Variants in D2HGDH observed in about 807,000 individuals in gnomAD.
The protein encoded by D2HGDH is D-2-hydroxyglutarate dehydrogenase.
A neutral mutation model predicts 46.9 loss-of-function variants in D2HGDH; 31 were observed. The ratio of observed to expected loss-of-function variants is 0.66; its 90% CI spans 0.50 to 0.89. The LOEUF (loss-of-function observed/expected upper bound fraction) is 0.89. D2HGDH is among the 40% of genes least tolerant of loss of function. The probability of loss-of-function intolerance (pLI) is 0.00; values close to 1 mark genes in which losing one functional copy is unlikely to be tolerated. For missense variants in D2HGDH, 698 were observed against 720.8 expected, an observed-to-expected ratio of 0.97 and a Z score of 0.36; for synonymous variants, 364 against 332.6, an observed-to-expected ratio of 1.09 and a Z score of -1.03.
At position 241,751,226 on chromosome 2, in the gene D2HGDH, C is replaced by G; in HGVS notation, c.998-20C>G. ...GCAGCCGGAGCCTCTGCTCACTCTG[C>G]CTTCCTTGCTCACTTCTAGAGAGTC... is the stretch of plus-strand genomic sequence containing the variant. On this transcript the variant is annotated intron_variant, in intron 7 of 9. Transcript: ENST00000321264. 1 of 1,613,880 alleles carries G rather than the reference C, an allele frequency of 6.2e-7. No homozygotes were observed. Among genetic ancestry groups the G allele is most frequent in the Non-Finnish European group, 8.5e-7 (1 of 1,179,994 alleles).
chr2:241,746,715 C>A (rs1695950833), intron 6 of D2HGDH, among the ~76,000 whole-genome samples: 1 of 151,848 alleles, frequency 6.6e-6, no homozygotes, highest in South Asian at 2.1e-4. Context: ...AGGTGAAACC[C>A]CATCTCTACT....
intron 9 of D2HGDH, among the ~76,000 whole-genome samples, chr2:241,758,769 A>ATGTGTGTGTG (rs558559121): frequency 0.057 from 7,477 of 131,842 alleles, 280 homozygotes; most frequent in Admixed American, 0.081. Flanking sequence ...CCCACAATAT[A>ATGTGTGTGTG]TGTGTGTGTG....
rs1467386330 is a variant in D2HGDH at position 241,735,154 on chromosome 2, G to A, written c.-71G>A. ...CCAGGCGCGCAGCCAGCGGCTCCCT[G>A]CCCTTCCCCTCCGGGCCCTGAGTAC... On this transcript the variant is annotated 5_prime_UTR_variant, in exon 2 of 10. Transcript: ENST00000321264. 11 of 1,414,458 alleles carry A rather than the reference G, an allele frequency of 7.8e-6. No individual in the cohort carries two copies. Among genetic ancestry groups the A allele is most frequent in the African/African-American group, 1.5e-5 (1 of 65,636 alleles). 87.6% of individuals were successfully genotyped at this position (1,414,458 alleles called of 1,614,324 possible). A position where few individuals can be genotyped will look rare whatever the true frequency, so the allele number is the denominator to read the frequency against.
intron 6 of D2HGDH, among the ~76,000 whole-genome samples, chr2:241,745,730 T>C (rs1459835698): frequency 6.6e-6 from 1 of 152,240 alleles, no homozygotes; most frequent in African/African-American, 2.4e-5. Context: ...CCTCGTTCAT[T>C]TCCTGCAGTA....
Position 241,735,205 on chromosome 2 carries a change from A to C in D2HGDH, c.-20A>C. 6.6e-7 allele frequency: 1 copy of C among 1,504,774 alleles called. No homozygotes were observed. Among genetic ancestry groups the C allele is most frequent in the Non-Finnish European group, 8.8e-7 (1 of 1,135,314 alleles). 93.2% of individuals were successfully genotyped at this position (1,504,774 alleles called of 1,614,324 possible). On this transcript the variant is annotated 5_prime_UTR_variant, in exon 2 of 10. Coordinates refer to ENST00000321264, the MANE Select transcript of D2HGDH (RefSeq NM_152783.5). Reference sequence around the variant, plus strand: ...CGGCCCCCCACCAAGGAGGAGCCCGAGGTCTCCGTCCCGGCGGCGATGCTG... The same window carrying C: ...CGGCCCCCCACCAAGGAGGAGCCCGCGGTCTCCGTCCCGGCGGCGATGCTG...
intron 5 of D2HGDH, 50 bp from the exon 6 acceptor site, chr2:241,744,659 T>A (rs775628902): frequency 6.2e-7 from 1 of 1,613,458 alleles, no homozygotes; most frequent in Non-Finnish European, 8.5e-7. Flanking sequence ...GCGACCGACG[T>A]CTTGTCAGGA....
Position 241,751,242 on chromosome 2 carries a change from C to G in D2HGDH, c.998-4C>G. On this transcript the variant is annotated splice_region_variant and splice_polypyrimidine_tract_variant and intron_variant, in intron 7 of 9. Coordinates refer to ENST00000321264, the MANE Select transcript of D2HGDH (RefSeq NM_152783.5). ...CTCACTCTGCCTTCCTTGCTCACTTCTAGAGAGTCCGTTTTACGTCCTCAT... is the reference window on the plus strand; with the variant it reads ...CTCACTCTGCCTTCCTTGCTCACTTGTAGAGAGTCCGTTTTACGTCCTCAT... 1.2e-6 allele frequency: 2 copies of G among 1,613,988 alleles called. No homozygotes were observed. Among genetic ancestry groups the G allele is most frequent in the Non-Finnish European group, 1.7e-6 (2 of 1,180,008 alleles).
Position 241,743,892 on chromosome 2 carries a change from C to T in D2HGDH, c.684+77C>T. The T allele has an allele frequency of 6.6e-7, 1 of 1,512,004 alleles. No homozygotes were observed. Among genetic ancestry groups the T allele is most frequent in the Non-Finnish European group, 9.0e-7 (1 of 1,115,846 alleles). The allele number at this position is 1,512,004 out of a possible 1,614,324, so 93.7% of individuals were successfully genotyped here. ...CGGCTCTCATGGGCCCACGTGGTGGCACAGGTGCATGGGGCCCCTCGGGGT... is the reference window on the plus strand; with the variant it reads ...CGGCTCTCATGGGCCCACGTGGTGGTACAGGTGCATGGGGCCCCTCGGGGT... On this transcript the variant is annotated intron_variant, in intron 5 of 9. Transcript: ENST00000321264. This position sits in a 1 kb window ranked among gnomAD's most constrained non-coding sequence, Gnocchi z 4.8.
chr2:241,755,387 C>T (rs1258701510), intron 8 of D2HGDH: 3 of 1,304,682 alleles, frequency 2.3e-6, no homozygotes, highest in Non-Finnish European at 3.0e-6. Context: ...CCTGCCCCAC[C>T]CTGGTTCAGG....
chr2:241,750,025 G>C, intron 6 of D2HGDH, 126 bp from the exon 7 acceptor site: 2 of 1,423,546 alleles, frequency 1.4e-6, no homozygotes, highest in Non-Finnish European at 2.0e-6. Context: ...GCCAGTCCTC[G>C]TGCTCCTCGT....
chr2:241,761,484 A>T (rs1002726785), intron 9 of D2HGDH, among the ~76,000 whole-genome samples: 3 of 152,184 alleles, frequency 2.0e-5, no homozygotes, highest in Non-Finnish European at 2.9e-5. Context: ...GGTTGCAGTG[A>T]GGCGAGGTTG....
At chr2:241,736,393 G>C (rs1310442003) in intron 2 of D2HGDH, 1 of 151,864 alleles carries the variant, frequency 6.6e-6, no homozygotes, top group Non-Finnish European at 1.5e-5. Context: ...AAGCTCTGGA[G>C]GCCAAAAGTG....
chr2:241,749,963 G>A, intron 6 of D2HGDH, 188 bp from the exon 7 acceptor site: 1 of 738,556 alleles, frequency 1.4e-6, no homozygotes, highest in Non-Finnish European at 2.3e-6. Context: ...TGATGCTGGT[G>A]GTAACACCAG....
chr2:241,765,275 G>T lies in D2HGDH; in HGVS notation c.1307-2435G>T, dbSNP rs1380715149. Among the ~76,000 whole-genome samples the T allele has an allele frequency of 1.3e-5, 2 of 151,650 alleles. 1 individual carries two copies. Among genetic ancestry groups the T allele is most frequent in the Non-Finnish European group, 2.9e-5 (2 of 67,912 alleles). ...CTCTGCCTGGGGAGATGGGAGCCCC[G>T]GGCTGAGGGAGTAGGAAGAGGGGGG... On this transcript the variant is annotated intron_variant, in intron 9 of 9. Transcript: ENST00000321264.
chr2:241,734,988 C>A, intron 1 of D2HGDH, 145 bp from the exon 2 acceptor site: 1 of 518,358 alleles, frequency 1.9e-6, no homozygotes, highest in African/African-American at 2.0e-5. Flanking sequence ...TTCGCGCGCT[C>A]GCGGGGTTGC....
chr2:241,761,949 G>T (rs997398242), intron 9 of D2HGDH, among the ~76,000 whole-genome samples: 4 of 152,088 alleles, frequency 2.6e-5, no homozygotes, highest in African/African-American at 4.8e-5. Context: ...GCAGCAGGAG[G>T]GAGTCTCTGT....
chr2:241,758,769 ATGTGTGTG>A (rs558559121), intron 9 of D2HGDH, among the ~76,000 whole-genome samples: 22 of 131,894 alleles, frequency 1.7e-4, no homozygotes, highest in Admixed American at 3.2e-4. Flanking sequence ...CCCACAATAT[ATGTGTGTG>A]TGTGTGTGTG....
Position 241,743,875 on chromosome 2 carries a change from A to G in D2HGDH, c.684+60A>G. 14 of 1,536,376 alleles carry G rather than the reference A, an allele frequency of 9.1e-6. No homozygotes were observed. Among genetic ancestry groups the G allele is most frequent in the Non-Finnish European group, 1.1e-5 (12 of 1,135,266 alleles). ...CACGGGGTGTCCTCTCACGGCTCTC[A>G]TGGGCCCACGTGGTGGCACAGGTGC... On this transcript the variant is annotated intron_variant, in intron 5 of 9. Coordinates refer to ENST00000321264, the MANE Select transcript of D2HGDH (RefSeq NM_152783.5). This position sits in a 1 kb window ranked among gnomAD's most constrained non-coding sequence, Gnocchi z 4.8.
chr2:241,751,329 G>C lies in D2HGDH; in HGVS notation c.1081G>C (p.Ala361Pro), dbSNP rs752676608. 1.2e-6 allele frequency: 2 copies of C among 1,613,800 alleles called. No homozygotes were observed. Among genetic ancestry groups the C allele is most frequent in the South Asian group, 1.1e-5 (1 of 91,076 alleles). ...GAAGCTGGGCCACTTCCTGGAGCAC[G>C]CGCTGGGCTCCGGCCTGGTGACCGA... ...AEKLGHFLEH[A>P]LGSGLVTDGT... The change falls in exon 8 of 10, where the codon GCG (alanine) becomes CCG (proline). Residue 361 changes from alanine to proline, a missense_variant. Ala to Pro is a conservative substitution (Grantham distance 27). Coordinates refer to ENST00000321264, the MANE Select transcript of D2HGDH (RefSeq NM_152783.5).
Sources: gnomAD v4.1 joint callset for allele counts (sites outside exome capture counted in the v4.1 genomes callset) on GRCh38, gnomAD v4.1.1 for gene constraint, Gnocchi (gnomAD v3.1) non-coding constraint, MANE v1.5 for transcripts, NCBI Gene and HGNC (gene_info 2026-07-23, HGNC 2026-07-21) for gene names.